The following CCNJL variants were observed in gnomAD, a reference collection of about 807,000 sequenced individuals.
CCNJL encodes cyclin-J-like protein.
CCNJL carries 33 observed loss-of-function variants against 33.4 expected under a neutral mutation model. The observed-to-expected ratio is 0.99, with a 90% CI of 0.75 to 1.32. The LOEUF is 1.32. CCNJL is among the 40% of genes most tolerant of loss of function. The pLI is 0.00. For synonymous variants in CCNJL, 227 were observed against 220.9 expected (o/e 1.03, Z -0.24); for missense variants, 512 against 499.7 (o/e 1.02, Z -0.23).
At chr5:160,333,037 C>T (rs1721033467) in intron 1 of CCNJL, among the ~76,000 whole-genome samples, 1 of 152,152 alleles carries the variant, frequency 6.6e-6, no homozygotes, top group Non-Finnish European at 1.5e-5. Flanking sequence ...GTAATCCCAG[C>T]ACTTTGGGAT....
intron 1 of CCNJL, among the ~76,000 whole-genome samples, chr5:160,338,723 T>G (rs1028532372): frequency 1.2e-4 from 18 of 152,282 alleles, no homozygotes; most frequent in African/African-American, 4.3e-4. Context: ...TATAAAGCAC[T>G]TACCATAGGG....
rs1475031074 is a variant in CCNJL, at chr5:160,249,818, T to C, written c.*3560A>G. On this transcript the variant is annotated 3_prime_UTR_variant, in exon 6 of 6. Coordinates refer to ENST00000257536, the MANE Select transcript of CCNJL (RefSeq NM_001308173.3). ...TAAATAAATAAATAAAATAAAAATTTAAAAAATCAAACTAAACTGGGGAGT... is the reference window on the plus strand; with the variant it reads ...TAAATAAATAAATAAAATAAAAATTCAAAAAATCAAACTAAACTGGGGAGT... 6.6e-6 allele frequency: 1 copy of C among 150,392 alleles called. No homozygotes were observed. Among genetic ancestry groups the C allele is most frequent in the African/African-American group, 2.4e-5 (1 of 40,968 alleles). The allele number at this position is 150,392 out of a possible 1,614,324, so 9.3% of individuals were successfully genotyped here.
chr5:160,330,579 C>G (rs545698098), intron 1 of CCNJL, among the ~76,000 whole-genome samples: 17 of 152,316 alleles, frequency 1.1e-4, no homozygotes, highest in African/African-American at 4.1e-4. Flanking sequence ...CAAAGTGCAC[C>G]TCCTGGCCAC....
intron 3 of CCNJL, among the ~76,000 whole-genome samples, chr5:160,264,079 AG>A (rs1277324344): frequency 3.3e-5 from 5 of 151,378 alleles, no homozygotes; most frequent in Non-Finnish European, 7.4e-5. Flanking sequence ...CTGAGTACCT[AG>A]GTATATAGGC....
Position 160,259,676 on chromosome 5 carries a change from C to A in CCNJL, c.376G>T (p.Glu126Ter), listed in dbSNP as rs1488326336. 2.5e-6 allele frequency: 4 copies of A among 1,614,036 alleles called. No individual in the cohort carries two copies. Among genetic ancestry groups the A allele is most frequent in the Admixed American group, 3.3e-5 (2 of 60,006 alleles). ...SSQNFTLTKKELLSTELLLLE... is the reference protein window; with the variant it reads ...SSQNFTLTKK ...AGCAGCAGCTCTGTGCTCAGCAGCT[C>A]CTTCTTGGTGAGGGTGAAGTTCTGG... The change falls in exon 4 of 6, where the codon GAG becomes TAG. Residue 126 changes from glutamate to a stop codon, truncating the protein, a stop_gained. Transcript: ENST00000257536. LOFTEE classifies it high-confidence loss of function.
At position 160,252,524 on chromosome 5, in the gene CCNJL, G is replaced by A. The variant is rs144304574; in HGVS notation, c.*854C>T. ...CAGCCTCCAAGACGTGGAATCTTCC[G>A]GAACCGAGAGCTGGGAAAATGGTTC... On this transcript the variant is annotated 3_prime_UTR_variant, in exon 6 of 6. Coordinates refer to ENST00000257536, the MANE Select transcript of CCNJL (RefSeq NM_001308173.3). The A allele has an allele frequency of 3.8e-3, 584 of 152,526 alleles. 1 individual carries two copies. Among genetic ancestry groups the A allele is most frequent in the Non-Finnish European group, 6.1e-3 (413 of 68,010 alleles). 9.4% of individuals were successfully genotyped at this position (152,526 alleles called of 1,614,324 possible).
At chr5:160,335,764 T>G (rs1300595480) in intron 1 of CCNJL, among the ~76,000 whole-genome samples, 2 of 150,240 alleles carry the variant, frequency 1.3e-5, no homozygotes, top group African/African-American at 2.5e-5. Flanking sequence ...TTTTTTTTTT[T>G]GTAGAAACAA....
chr5:160,277,314 C>T (rs2113336167), intron 3 of CCNJL, among the ~76,000 whole-genome samples: 1 of 152,298 alleles, frequency 6.6e-6, no homozygotes, highest in Middle Eastern at 3.4e-3. Context: ...AAGGAAGCCA[C>T]AGCCGCTGTG....
rs796803430 is a variant in CCNJL at position 160,250,372 on chromosome 5, G to T, written c.*3006C>A. ...TGCCTCACCTAGCCTTGCACACAGC[G>T]GGTGGTGAGCACTGCCCTCAGCCCC... On this transcript the variant is annotated 3_prime_UTR_variant, in exon 6 of 6. Coordinates refer to ENST00000257536, the MANE Select transcript of CCNJL (RefSeq NM_001308173.3). 1.4e-4 allele frequency: 21 copies of T among 152,386 alleles called. No homozygotes were observed. Among genetic ancestry groups the T allele is most frequent in the African/African-American group, 5.1e-4 (21 of 41,580 alleles). The allele number at this position is 152,386 out of a possible 1,614,324, so 9.4% of individuals were successfully genotyped here.
chr5:160,274,435 G>C (rs1221510899), intron 3 of CCNJL, among the ~76,000 whole-genome samples: 4 of 152,152 alleles, frequency 2.6e-5, no homozygotes, highest in Non-Finnish European at 5.9e-5. Flanking sequence ...CTCCAGCCTA[G>C]GTGACAGAGT....
intron 1 of CCNJL, among the ~76,000 whole-genome samples, chr5:160,322,461 G>T (rs773604574): frequency 1.1e-4 from 16 of 152,202 alleles, no homozygotes; most frequent in Non-Finnish European, 5.9e-5. Flanking sequence ...AAGGTCAAAT[G>T]ATATGATGCC....
intron 3 of CCNJL, among the ~76,000 whole-genome samples, chr5:160,274,238 C>T (rs927797248): frequency 1.1e-4 from 17 of 152,122 alleles, no homozygotes; most frequent in African/African-American, 4.1e-4. Flanking sequence ...GCAGGCAGAT[C>T]ATTTGAGGTC....
Position 160,250,165 on chromosome 5 carries a change from C to T in CCNJL, c.*3213G>A, listed in dbSNP as rs1488500387. ...GGCTGAAGGCCACAGAGGTCACAGC[C>T]TCTGTGGCACAGTCTCCCCCCGCCC... is the stretch of plus-strand genomic sequence containing the variant. On this transcript the variant is annotated 3_prime_UTR_variant, in exon 6 of 6. Coordinates refer to ENST00000257536, the MANE Select transcript of CCNJL (RefSeq NM_001308173.3). 2.0e-5 allele frequency: 3 copies of T among 152,178 alleles called. No homozygotes were observed. The highest frequency in any genetic ancestry group is 7.2e-5 in the African/African-American group (3 of 41,428). The allele number at this position is 152,178 out of a possible 1,614,324, so 9.4% of individuals were successfully genotyped here. A position where few individuals can be genotyped will look rare whatever the true frequency, so the allele number is the denominator to read the frequency against.
rs1760784894 is a variant in CCNJL at position 160,250,952 on chromosome 5, C to T, written c.*2426G>A. On this transcript the variant is annotated 3_prime_UTR_variant, in exon 6 of 6. Transcript: ENST00000257536. ...ATTTTAACAGGTGACAAGATGGAGG[C>T]TCAGAGAGAGGTTGGGTCAACTGCC... The T allele has an allele frequency of 6.6e-6, 1 of 152,146 alleles. No individual in the cohort carries two copies. The highest frequency in any genetic ancestry group is 6.5e-5 in the Admixed American group (1 of 15,270). The allele number at this position is 152,146 out of a possible 1,614,324, so 9.4% of individuals were successfully genotyped here. A position where few individuals can be genotyped will look rare whatever the true frequency, so the allele number is the denominator to read the frequency against.
At chr5:160,254,480 A>T (rs1387700486) in intron 5 of CCNJL, 1 of 509,078 alleles carries the variant, frequency 2.0e-6, no homozygotes, top group East Asian at 3.3e-5. Context: ...TTTTAAAATA[A>T]GGCCTACGGA....
intron 1 of CCNJL, among the ~76,000 whole-genome samples, chr5:160,320,837 CTTTCT>C (rs1763437500): frequency 8.9e-6 from 1 of 111,928 alleles, no homozygotes; most frequent in African/African-American, 3.3e-5. Context: ...TTCTTTCTTT[CTTTCT>C]TTCTTTCCTT....
At chr5:160,328,274 A>C (rs1428069845) in intron 1 of CCNJL, among the ~76,000 whole-genome samples, 1 of 152,178 alleles carries the variant, frequency 6.6e-6, no homozygotes, top group African/African-American at 2.4e-5. Flanking sequence ...AGGAACAGGG[A>C]TTAATCTTCA....
upstream of CCNJL, among the ~76,000 whole-genome samples, chr5:160,315,726 G>A (rs1427841892): frequency 2.0e-5 from 3 of 152,018 alleles, no homozygotes; most frequent in African/African-American, 7.2e-5. Flanking sequence ...CAAGAAATAT[G>A]CATTATTTCA....
At chr5:160,307,106 C>A (rs1357199537) in intron 2 of CCNJL, among the ~76,000 whole-genome samples, 1 of 152,256 alleles carries the variant, frequency 6.6e-6, no homozygotes, top group African/African-American at 2.4e-5. Flanking sequence ...TCCCTGCACA[C>A]AAGCATTCAT....
Sources: gnomAD v4.1 joint callset for allele counts (sites outside exome capture counted in the v4.1 genomes callset) on GRCh38, gnomAD v4.1.1 for gene constraint, MANE v1.5 for transcripts, NCBI Gene and HGNC (gene_info 2026-07-23, HGNC 2026-07-21) for gene names.